The following ATRX variants were observed in gnomAD, a reference collection of about 807,000 sequenced individuals.
ATRX encodes the protein ATRX chromatin remodeler.
A neutral mutation model predicts 172.6 loss-of-function variants in ATRX; 12 were observed. The observed-to-expected ratio is 0.07, with a 90% CI of 0.04 to 0.11. The LOEUF (loss-of-function observed/expected upper bound fraction) is 0.11. Ranked by LOEUF, ATRX falls within the 10% of genes least tolerant of loss-of-function variation. The pLI is 1.00. For synonymous variants in ATRX, 674 were observed against 594.7 expected (o/e 1.13, Z -1.94); for missense variants, 1,368 against 1,767.4 (o/e 0.77, Z 4.05).
intron 1 of ATRX, among the ~76,000 whole-genome samples, chrX:77,730,229 T>A (rs1450879460): frequency 9.0e-6 from 1 of 111,627 alleles, no homozygotes; most frequent in African/African-American, 3.3e-5. Context: ...ACAAAAACTA[T>A]AGGAAAAGCC....
chrX:77,513,181 G>A (rs1557037422), intron 34 of ATRX, among the ~76,000 whole-genome samples: 2 of 108,702 alleles, frequency 1.8e-5, no homozygotes, highest in Non-Finnish European at 3.8e-5. Context: ...GCTGGGCGTG[G>A]TGGCGGGCAC....
intron 1 of ATRX, among the ~76,000 whole-genome samples, chrX:77,782,378 C>T (rs1170046252): frequency 8.9e-6 from 1 of 112,532 alleles, no homozygotes; most frequent in Non-Finnish European, 1.9e-5. Context: ...TAGCTGTCAG[C>T]TTTTCAAGTA....
chrX:77,723,461 A>T (rs1001443548), intron 1 of ATRX, among the ~76,000 whole-genome samples: 1 of 112,034 alleles, frequency 8.9e-6, no homozygotes, highest in African/African-American at 3.2e-5. Flanking sequence ...AGACACCGTA[A>T]CTAGAGATCT....
chrX:77,785,926 T>A (rs2076730354), intron 1 of ATRX, 56 bp downstream of exon 1: 1 of 1,159,749 alleles, frequency 8.6e-7, no homozygotes, highest in Non-Finnish European at 1.2e-6. Context: ...AACACCCGAC[T>A]CAGACGGTGC....
chrX:77,762,383 A>AAGCAAAAC (rs1479214130), intron 1 of ATRX, among the ~76,000 whole-genome samples: 1 of 109,608 alleles, frequency 9.1e-6, no homozygotes, highest in Admixed American at 9.9e-5. Flanking sequence ...ATAAACACAC[A>AAGCAAAAC]AGCAAAACCC....
intron 26 of ATRX, 38 bp downstream of exon 26, chrX:77,593,658 A>G: frequency 8.7e-7 from 1 of 1,151,784 alleles, no homozygotes; most frequent in Non-Finnish European, 1.2e-6. Context: ...ACATAATCAA[A>G]AGGTTAATTT....
chrX:77,600,736 G>C (rs1413881827), intron 22 of ATRX, 172 bp from the exon 23 acceptor site: 2 of 437,057 alleles, frequency 4.6e-6, no homozygotes, highest in African/African-American at 4.9e-5. Context: ...GATTACAAAA[G>C]AAACCCATCA....
chrX:77,774,856 A>G (rs1303947311), intron 1 of ATRX, among the ~76,000 whole-genome samples: 1 of 110,386 alleles, frequency 9.1e-6, no homozygotes, highest in Non-Finnish European at 1.9e-5. Context: ...GACTCCAGGC[A>G]TGCTCCACAC....
intron 1 of ATRX, among the ~76,000 whole-genome samples, chrX:77,721,654 G>A (rs2073776603): frequency 1.8e-5 from 2 of 111,590 alleles, no homozygotes; most frequent in Non-Finnish European, 3.8e-5. Flanking sequence ...ACAAACCACT[G>A]CTCAAGGAAA....
rs1191670776 is a variant in ATRX at position 77,717,194 on chromosome X, G to T, written c.70C>A (p.His24Asn). The change falls in exon 2 of 35, where the codon CAC becomes AAC. Residue 24 changes from histidine to asparagine, a missense_variant. Around this residue, in one of 17 missense-constraint regions of ATRX, gnomAD observed 84 missense variants for 82.8 expected, o/e 1.01. Transcript: ENST00000373344. ...LVQKLHDFLA[H>N]SSEESEETSS... ...GTTTCTTCAGATTCTTCTGATGAGT[G>T]TGCAAGGAAGTCATGAAGCTTCTGC... 8.3e-7 allele frequency: 1 copy of T among 1,209,567 alleles called. No individual in the cohort carries two copies. The highest frequency in any genetic ancestry group is 1.1e-6 in the Non-Finnish European group (1 of 894,837).
chrX:77,681,292 A>T (rs782192364), intron 9 of ATRX, among the ~76,000 whole-genome samples: 4 of 111,974 alleles, frequency 3.6e-5, no homozygotes, highest in Non-Finnish European at 5.6e-5. Context: ...CATTTACTCA[A>T]CAAATTTGAG....
In ATRX at chrX:77,616,599, G is replaced by A. The variant is rs1003519094; in HGVS notation, c.5566+14C>T. 7.1e-5 allele frequency: 82 copies of A among 1,154,415 alleles called. No individual in the cohort carries two copies. Among genetic ancestry groups the A allele is most frequent in the Non-Finnish European group, 9.4e-5 (79 of 844,866 alleles). On this transcript the variant is annotated intron_variant, in intron 22 of 34. Coordinates refer to ENST00000373344, the MANE Select transcript of ATRX (RefSeq NM_000489.6). The stretch of plus-strand genomic sequence containing the variant: ...TTTATAGAGAAGATGAAATCAACAA[G>A]GTGTATTGTTTACCTGTTAAGTGAT...
At chrX:77,554,577 C>G (rs782408480) in intron 30 of ATRX, among the ~76,000 whole-genome samples, 1 of 111,913 alleles carries the variant, frequency 8.9e-6, no homozygotes, top group South Asian at 3.8e-4. Flanking sequence ...TTCATCATCC[C>G]TTAAGCCTGG....
At chrX:77,756,992 G>T (rs983461709) in intron 1 of ATRX, among the ~76,000 whole-genome samples, 1 of 110,725 alleles carries the variant, frequency 9.0e-6, no homozygotes, top group African/African-American at 3.3e-5. Context: ...CACCATGTTG[G>T]CCAGGCTGGT....
intron 16 of ATRX, among the ~76,000 whole-genome samples, chrX:77,635,703 T>C (rs2068315490): frequency 8.9e-6 from 1 of 112,229 alleles, no homozygotes; most frequent in Admixed American, 9.4e-5. Context: ...AGCACTTCTT[T>C]CTCTTTTTAT....
At chrX:77,586,732 G>A (rs1176058461) in intron 27 of ATRX, among the ~76,000 whole-genome samples, 6 of 111,585 alleles carry the variant, frequency 5.4e-5, no homozygotes, top group Admixed American at 9.5e-5. Flanking sequence ...AGTTTAAAAC[G>A]CAGATATAAA....
chrX:77,753,456 A>G (rs113096174), intron 1 of ATRX, among the ~76,000 whole-genome samples: 2,708 of 110,886 alleles, frequency 0.024, 79 homozygotes, highest in African/African-American at 0.084. Flanking sequence ...TCATGTCTCT[A>G]TCTCCTTCAG....
intron 1 of ATRX, among the ~76,000 whole-genome samples, chrX:77,750,728 G>T (rs1188559275): frequency 9.3e-6 from 1 of 107,404 alleles, no homozygotes; most frequent in Non-Finnish European, 1.9e-5. Context: ...CCCTCCCTGT[G>T]CCCATGTGTT....
intron 19 of ATRX, among the ~76,000 whole-genome samples, chrX:77,626,054 T>G (rs2067830619): frequency 6.8e-5 from 4 of 58,453 alleles, no homozygotes; most frequent in Admixed American, 3.8e-4. Flanking sequence ...TATATATATA[T>G]ATATATATAT....
Sources: allele counts gnomAD v4.1 joint callset (sites outside exome capture counted in the v4.1 genomes callset), GRCh38; gene constraint gnomAD v4.1.1; regional missense constraint gnomAD v4.1.1; transcripts MANE v1.5; gene names NCBI Gene and HGNC (gene_info 2026-07-23, HGNC 2026-07-21).